KLF8: variants seen among roughly 807,000 people sequenced by gnomAD.
KLF8 encodes the protein KLF transcription factor 8, also known as Krueppel-like factor 8.
In KLF8, 10 loss-of-function variants were observed where a neutral mutation model predicts 18.2. That is an observed-to-expected ratio of 0.55 (90% CI 0.34 to 0.93). The LOEUF (loss-of-function observed/expected upper bound fraction) is 0.93, where lower values mean the gene tolerates loss of function less well. Among genes scored for constraint, KLF8 ranks in the 40% least tolerant of loss-of-function variants. The pLI, the probability that KLF8 is intolerant of heterozygous loss-of-function variation, is 0.02. For synonymous variants in KLF8, 109 were observed against 97.3 expected (o/e 1.12, Z -0.71); for missense variants, 264 against 277.9 (o/e 0.95, Z 0.36).
At chrX:56,050,642 A>T in the KLF8 span, among the ~76,000 whole-genome samples, 2 of 112,270 alleles carry the variant, frequency 1.8e-5, no homozygotes, top group Non-Finnish European at 3.8e-5. Context: ...GTAGTTTGTT[A>T]TAATTTCTGT....
At chrX:56,011,965 C>CT in the KLF8 span, among the ~76,000 whole-genome samples, 1 of 110,885 alleles carries the variant, frequency 9.0e-6, no homozygotes, top group Non-Finnish European at 1.9e-5. Context: ...CCGTAATAAT[C>CT]TATCAACCAA....
the KLF8 span, among the ~76,000 whole-genome samples, chrX:55,930,311 C>G: frequency 1.8e-5 from 2 of 111,785 alleles, no homozygotes; most frequent in African/African-American, 6.5e-5. Context: ...TCTAAATATA[C>G]AGTCATGCTA....
chrX:56,027,222 G>T, the KLF8 span, among the ~76,000 whole-genome samples: 1 of 111,842 alleles, frequency 8.9e-6, no homozygotes, highest in Non-Finnish European at 1.9e-5. Flanking sequence ...GACCAGATCA[G>T]GTGTTTGAGG....
chrX:56,188,232 A>G, the KLF8 span, among the ~76,000 whole-genome samples: 1 of 111,642 alleles, frequency 9.0e-6, no homozygotes, highest in African/African-American at 3.3e-5. Flanking sequence ...AATAACAGAC[A>G]AACAGACAGC....
At chrX:56,143,812 G>T in the KLF8 span, among the ~76,000 whole-genome samples, 1 of 112,034 alleles carries the variant, frequency 8.9e-6, no homozygotes, top group Non-Finnish European at 1.9e-5. Flanking sequence ...TCAATCTTGA[G>T]CTGCTTTGAT....
the KLF8 span, among the ~76,000 whole-genome samples, chrX:56,172,827 G>A: frequency 8.9e-6 from 1 of 111,870 alleles, no homozygotes; most frequent in Admixed American, 9.5e-5. Context: ...ATCTCACTGT[G>A]GTTTTGATTT....
chrX:56,198,604 G>A, the KLF8 span, among the ~76,000 whole-genome samples: 5 of 111,792 alleles, frequency 4.5e-5, no homozygotes, highest in Admixed American at 9.5e-5. Context: ...ACAAACAAAT[G>A]GAAGAATATT....
At chrX:56,265,062 C>T (rs1169858251) in intron 2 of KLF8, 118 bp from the exon 3 acceptor site, 8 of 893,168 alleles carry the variant, frequency 9.0e-6, no homozygotes, top group Non-Finnish European at 1.0e-5. Flanking sequence ...TTATTTCTCC[C>T]AGCACCATGT....
the KLF8 span, among the ~76,000 whole-genome samples, chrX:56,006,311 T>C: frequency 5.4e-5 from 6 of 112,025 alleles, no homozygotes; most frequent in African/African-American, 1.9e-4. Context: ...GCTCCTCACC[T>C]GTTTAACTCA....
At chrX:56,057,878 T>C in the KLF8 span, among the ~76,000 whole-genome samples, 1 of 109,411 alleles carries the variant, frequency 9.1e-6, no homozygotes, top group East Asian at 2.9e-4. Context: ...ACCACTTCTT[T>C]AAGCAGGTAT....
rs1451752509 is a variant in KLF8, at chrX:56,289,639, G to A, written c.*5145G>A. Among the ~76,000 whole-genome samples the A allele has an allele frequency of 9.0e-6, 1 of 111,277 alleles. No homozygotes were observed. The highest frequency in any genetic ancestry group is 2.8e-4 in the East Asian group (1 of 3,550). On this transcript the variant is annotated 3_prime_UTR_variant, in exon 6 of 6. Transcript: ENST00000468660. ...AGCTTCTTCCTGTTAGTTACATGAA[G>A]CCTCCCACACTAATACTGAGAAACC...
the KLF8 span, among the ~76,000 whole-genome samples, chrX:56,147,798 G>A: frequency 8.9e-6 from 1 of 112,140 alleles, no homozygotes; most frequent in Non-Finnish European, 1.9e-5. Flanking sequence ...GGCCAACATG[G>A]CGAAACTCTG....
chrX:56,161,571 G>A, the KLF8 span, among the ~76,000 whole-genome samples: 4 of 112,000 alleles, frequency 3.6e-5, no homozygotes, highest in African/African-American at 1.3e-4. Context: ...GGCTACTGAT[G>A]CTTGTGCATT....
chrX:55,988,773 A>G, the KLF8 span, among the ~76,000 whole-genome samples: 9,502 of 111,261 alleles, frequency 0.085, 992 homozygotes, highest in African/African-American at 0.3. Flanking sequence ...ATGGCATTGA[A>G]TCTTTAAATT....
At chrX:56,205,318 C>A in the KLF8 span, among the ~76,000 whole-genome samples, 1 of 111,987 alleles carries the variant, frequency 8.9e-6, no homozygotes, top group East Asian at 2.8e-4. Flanking sequence ...TTGATTTTTA[C>A]AGTTCATCAC....
the KLF8 span, among the ~76,000 whole-genome samples, chrX:56,018,135 T>A: frequency 1.8e-5 from 2 of 111,578 alleles, no homozygotes; most frequent in Non-Finnish European, 3.8e-5. Context: ...ACTTATTTCT[T>A]CTATCTAACT....
chrX:55,988,042 G>C, the KLF8 span, among the ~76,000 whole-genome samples: 1 of 111,712 alleles, frequency 9.0e-6, no homozygotes, highest in African/African-American at 3.2e-5. Flanking sequence ...ACTTTTTGAC[G>C]GGGTTCTTTG....
At chrX:56,135,982 A>T in the KLF8 span, among the ~76,000 whole-genome samples, 1 of 111,794 alleles carries the variant, frequency 8.9e-6, no homozygotes, top group Non-Finnish European at 1.9e-5. Flanking sequence ...CCAAATCATG[A>T]GTGAACTCCC....
chrX:56,082,445 C>T, the KLF8 span, among the ~76,000 whole-genome samples: 5 of 107,522 alleles, frequency 4.7e-5, no homozygotes, highest in African/African-American at 6.7e-5. Context: ...TTTCTTTTCT[C>T]TATTTTATTT....
Sources: allele counts gnomAD v4.1 joint callset (sites outside exome capture counted in the v4.1 genomes callset), GRCh38; gene constraint gnomAD v4.1.1; transcripts MANE v1.5; gene names NCBI Gene and HGNC (gene_info 2026-07-23, HGNC 2026-07-21).